Variants in OR10J1 observed in about 807,000 individuals in gnomAD.
OR10J1 encodes the protein olfactory receptor 10J1.
For missense variants in OR10J1, 474 were observed against 376.6 expected (o/e 1.26, Z -2.14); for synonymous variants, 202 against 143.8 (o/e 1.40, Z -2.89).
chr1:159,406,849 G>A, the OR10J1 span, among the ~76,000 whole-genome samples: 4 of 152,110 alleles, frequency 2.6e-5, no homozygotes, highest in Admixed American at 6.6e-5. Context: ...AGACTGCCCT[G>A]GGAGGATCCC....
the OR10J1 span, among the ~76,000 whole-genome samples, chr1:159,417,057 T>A: frequency 6.6e-6 from 1 of 152,130 alleles, no homozygotes; most frequent in Non-Finnish European, 1.5e-5. Context: ...GTTTTTTAGG[T>A]CTCTATTTCA....
At chr1:159,421,608 A>T in the OR10J1 span, among the ~76,000 whole-genome samples, 15 of 152,212 alleles carry the variant, frequency 9.9e-5, no homozygotes, top group East Asian at 2.9e-3. Flanking sequence ...TGTGGCTTGG[A>T]TCGTGGGTGC....
chr1:159,412,420 T>A, the OR10J1 span, among the ~76,000 whole-genome samples: 1 of 150,846 alleles, frequency 6.6e-6, no homozygotes, highest in East Asian at 1.9e-4. Flanking sequence ...GGCATCACGC[T>A]ACCTGACTTC....
rs1016467615 is a variant in OR10J1, at chr1:159,440,488, C to T, written c.697C>T (p.Arg233Trp). 2.7e-5 allele frequency: 43 copies of T among 1,613,942 alleles called. No homozygotes were observed. Among genetic ancestry groups the T allele is most frequent in the Admixed American group, 3.3e-5 (2 of 59,974 alleles). Residue 233 changes from arginine to tryptophan, a missense_variant, in exon 1 of 1, where the codon CGG becomes TGG. Coordinates refer to ENST00000423932, the MANE Select transcript of OR10J1 (RefSeq NM_012351.3). ...CCTCAAGATTGCTTCAGTTGAGGGC[C>T]GGAAGAAGGCTTTTGCCACCTGTGC... is the stretch of plus-strand genomic sequence containing the variant. Reference protein sequence around the residue: ...TILKIASVEGRKKAFATCASH... With the variant: ...TILKIASVEGWKKAFATCASH...
the OR10J1 span, among the ~76,000 whole-genome samples, chr1:159,414,269 T>G: frequency 6.6e-6 from 1 of 152,114 alleles, no homozygotes; most frequent in Non-Finnish European, 1.5e-5. Context: ...ATTCCTAGGC[T>G]TTCGTGTCTA....
At chr1:159,432,979 C>G (rs746899555), upstream of OR10J1, 1 of 432,682 alleles carries the variant, frequency 2.3e-6, no homozygotes, top group African/African-American at 2.0e-5. Flanking sequence ...CTTCTTTCAT[C>G]TACCTAAAAC....
In OR10J1 at chr1:159,440,865, T is replaced by A. The variant is rs993180852; in HGVS notation, c.*144T>A. The A allele has an allele frequency of 3.7e-6, 3 of 821,740 alleles. No individual in the cohort carries two copies. Among genetic ancestry groups the A allele is most frequent in the South Asian group, 2.1e-5 (1 of 47,674 alleles). 50.9% of individuals were successfully genotyped at this position (821,740 alleles called of 1,614,324 possible). A position where few individuals can be genotyped will look rare whatever the true frequency, so the allele number is the denominator to read the frequency against. ...AATAGCAGTTTCATACAACTGGGAG[T>A]CTGAAGCTTTAAATAAAGTTACTGG... On this transcript the variant is annotated 3_prime_UTR_variant, in exon 1 of 1. Coordinates refer to ENST00000423932, the MANE Select transcript of OR10J1 (RefSeq NM_012351.3).
the OR10J1 span, among the ~76,000 whole-genome samples, chr1:159,413,241 G>A: frequency 6.6e-6 from 1 of 152,092 alleles, no homozygotes; most frequent in African/African-American, 2.4e-5. Flanking sequence ...ACTGTTGGTG[G>A]GACTGTAAAC....
chr1:159,416,352 T>A, the OR10J1 span, among the ~76,000 whole-genome samples: 1 of 152,030 alleles, frequency 6.6e-6, no homozygotes, highest in African/African-American at 2.4e-5. Context: ...TCAGGTATGA[T>A]CTTTCTTTGC....
chr1:159,421,709 G>C, the OR10J1 span, among the ~76,000 whole-genome samples: 2 of 152,182 alleles, frequency 1.3e-5, no homozygotes, highest in Non-Finnish European at 2.9e-5. Context: ...GTAGTAGTTA[G>C]TAGAGGCTGT....
At chr1:159,433,181 G>A (rs1261915742), upstream of OR10J1, 1 of 398,368 alleles carries the variant, frequency 2.5e-6, no homozygotes, top group Non-Finnish European at 4.4e-6. Flanking sequence ...AGAGTTTGAT[G>A]AGGTGTCACA....
At chr1:159,405,708 G>C in the OR10J1 span, 4 of 683,166 alleles carry the variant, frequency 5.9e-6, no homozygotes, top group East Asian at 6.2e-5. Context: ...GGATGGTGTA[G>C]ATGATGAGGT....
the OR10J1 span, among the ~76,000 whole-genome samples, chr1:159,430,042 A>G: frequency 6.6e-6 from 1 of 152,094 alleles, no homozygotes; most frequent in African/African-American, 2.4e-5. Context: ...TTCTGTAACT[A>G]AATGTGACCT....
the OR10J1 span, among the ~76,000 whole-genome samples, chr1:159,424,434 TTA>T: frequency 1.6e-5 from 2 of 123,230 alleles, no homozygotes; most frequent in African/African-American, 5.0e-5. Flanking sequence ...TAAGTATGTA[TTA>T]TATATAAATA....
Position 159,440,722 on chromosome 1 carries a change from C to T in OR10J1, c.*1C>T. 5 of 1,607,032 alleles carry T rather than the reference C, an allele frequency of 3.1e-6. No individual in the cohort carries two copies. Among genetic ancestry groups the T allele is most frequent in the South Asian group, 1.1e-5 (1 of 90,426 alleles). ...GGCTGTTGGTGGGAAGTTTTCCTGA[C>T]CATGTAGGAAGAGTTCTCCTGAGGC... On this transcript the variant is annotated 3_prime_UTR_variant, in exon 1 of 1. Transcript: ENST00000423932.
At chr1:159,428,482 T>A in the OR10J1 span, among the ~76,000 whole-genome samples, 5 of 152,244 alleles carry the variant, frequency 3.3e-5, no homozygotes, top group Admixed American at 2.0e-4. Context: ...GCTACATATT[T>A]AAATAGCTAC....
the OR10J1 span, chr1:159,432,606 G>T: frequency 2.1e-6 from 1 of 467,798 alleles, no homozygotes; most frequent in Non-Finnish European, 3.9e-6. Flanking sequence ...ACAGTATTCA[G>T]TCATCATGGG....
chr1:159,435,587 C>T (rs1399160930), upstream of OR10J1, among the ~76,000 whole-genome samples: 1 of 152,096 alleles, frequency 6.6e-6, no homozygotes, highest in African/African-American at 2.4e-5. Context: ...GACACGCCAG[C>T]TCTAGGTGAC....
chr1:159,432,466 G>A, the OR10J1 span: 1 of 414,342 alleles, frequency 2.4e-6, no homozygotes, highest in Non-Finnish European at 4.3e-6. Flanking sequence ...GGTCTCCTCA[G>A]TCCTCAACAA....
Sources: allele counts gnomAD v4.1 joint callset (sites outside exome capture counted in the v4.1 genomes callset), GRCh38; gene constraint gnomAD v4.1.1; transcripts MANE v1.5; gene names NCBI Gene and HGNC (gene_info 2026-07-23, HGNC 2026-07-21).